The following SH3RF3 variants were observed in gnomAD, a reference collection of about 807,000 sequenced individuals.
SH3RF3 encodes E3 ubiquitin-protein ligase SH3RF3.
SH3RF3 carries 29 observed loss-of-function variants against 66.3 expected under a neutral mutation model. That is an observed-to-expected ratio of 0.44 (90% CI 0.33 to 0.60). The LOEUF (loss-of-function observed/expected upper bound fraction) is 0.60. SH3RF3 is among the 20% of genes least tolerant of loss of function. The pLI is 0.04. For missense variants in SH3RF3, 1,194 were observed against 1,190.9 expected, an observed-to-expected ratio of 1.00 and a Z score of -0.04; for synonymous variants, 583 against 532.0, an observed-to-expected ratio of 1.10 and a Z score of -1.32.
intron 1 of SH3RF3, among the ~76,000 whole-genome samples, chr2:109,301,988 G>A (rs1681480030): frequency 6.6e-6 from 1 of 152,196 alleles, no homozygotes; most frequent in African/African-American, 2.4e-5. Flanking sequence ...GCTGATTTCA[G>A]CATCTTCGTT....
intron 2 of SH3RF3, among the ~76,000 whole-genome samples, chr2:109,349,216 G>A (rs1682788027): frequency 6.6e-6 from 1 of 152,170 alleles, no homozygotes. Flanking sequence ...CAGTGTTTTT[G>A]AGCAAAATTG....
rs112035563 is a variant in SH3RF3, at chr2:109,454,529, C to T, written c.2148+5040C>T. On this transcript the variant is annotated intron_variant, in intron 8 of 9. Coordinates refer to ENST00000309415, the MANE Select transcript of SH3RF3 (RefSeq NM_001099289.3). ...GTCCACACGGTGAGAGCGCTCCCGC[C>T]GGCTGCCTGACTTCTGTGGAGCCCT... Among the ~76,000 whole-genome samples the T allele has an allele frequency of 1.8e-4, 27 of 152,314 alleles. 1 individual carries two copies. The highest frequency in any genetic ancestry group is 5.5e-4 in the African/African-American group (23 of 41,556).
chr2:109,477,061 A>G (rs112203915), intron 8 of SH3RF3, among the ~76,000 whole-genome samples: 2,469 of 152,206 alleles, frequency 0.016, 68 homozygotes, highest in African/African-American at 0.057. Flanking sequence ...AGAATGCCTT[A>G]ACTGTCTGGG....
At chr2:109,455,817 C>A (rs910089718) in intron 8 of SH3RF3, among the ~76,000 whole-genome samples, 1 of 152,230 alleles carries the variant, frequency 6.6e-6, no homozygotes, top group African/African-American at 2.4e-5. Context: ...GTGCCATTCA[C>A]TTCCGAAGTG....
chr2:109,170,279 CTTCTCTTCTCTTCTCT>C (rs1677739850), intron 1 of SH3RF3, among the ~76,000 whole-genome samples: 1 of 124,886 alleles, frequency 8.0e-6, no homozygotes, highest in Non-Finnish European at 1.7e-5. Flanking sequence ...CTTCTCTTCT[CTTCTCTTCTCTTCTCT>C]TCTCTTCTCT....
At chr2:109,399,247 G>A (rs1194907044) in intron 4 of SH3RF3, among the ~76,000 whole-genome samples, 1 of 152,100 alleles carries the variant, frequency 6.6e-6, no homozygotes, top group East Asian at 1.9e-4. Context: ...CGTGTCAGTC[G>A]GCTTCCAGAT....
rs923750802 is a variant in SH3RF3 at position 109,398,487 on chromosome 2, A to G, written c.946-103A>G. The stretch of plus-strand genomic sequence containing the variant: ...CCTGCAGTCTGACGGATTTGAATGC[A>G]TTGCCAGTTTGTGAATGGAAATGTG... On this transcript the variant is annotated intron_variant, in intron 3 of 9. Transcript: ENST00000309415. 8.6e-6 allele frequency: 9 copies of G among 1,042,564 alleles called. No homozygotes were observed. The African/African-American group carries it at 1.1e-4, about 13-fold the overall frequency. The allele number at this position is 1,042,564 out of a possible 1,614,324, so 64.6% of individuals were successfully genotyped here. A position where few individuals can be genotyped will look rare whatever the true frequency, so the allele number is the denominator to read the frequency against.
intron 9 of SH3RF3, among the ~76,000 whole-genome samples, chr2:109,497,608 G>A (rs546711608): frequency 2.6e-5 from 4 of 152,244 alleles, no homozygotes; most frequent in East Asian, 1.9e-4. Flanking sequence ...CTGCTGACAC[G>A]GACACGACAA....
intron 4 of SH3RF3, among the ~76,000 whole-genome samples, chr2:109,408,600 C>T (rs939235764): frequency 2.0e-5 from 3 of 152,338 alleles, no homozygotes; most frequent in South Asian, 2.1e-4. Flanking sequence ...AGCTTCGCTG[C>T]GGCAAGAGAG....
chr2:109,394,071 G>A (rs972798449), intron 3 of SH3RF3, among the ~76,000 whole-genome samples: 8 of 152,232 alleles, frequency 5.3e-5, no homozygotes, highest in Middle Eastern at 3.4e-3. Flanking sequence ...ACCCTCGGAC[G>A]CAGCCACAAG....
In SH3RF3 at chr2:109,449,346, ACAT is replaced by A; in HGVS notation, c.2008_2010del (p.Ser670del). ...GTGCCCACGGCCGGCCATCCCCCTCACATCAGCAGCATCAGCCATCACACCTCC... is the reference window on the plus strand; with the variant it reads ...GTGCCCACGGCCGGCCATCCCCCTCACAGCAGCATCAGCCATCACACCTCC... On this transcript the variant is annotated inframe_deletion, in exon 8 of 10. Transcript: ENST00000309415. The A allele has an allele frequency of 6.2e-7, 1 of 1,606,570 alleles. No homozygotes were observed. The highest frequency in any genetic ancestry group is 8.5e-7 in the Non-Finnish European group (1 of 1,175,862).
intron 1 of SH3RF3, among the ~76,000 whole-genome samples, chr2:109,275,749 C>T (rs1180284774): frequency 6.6e-6 from 1 of 152,182 alleles, no homozygotes; most frequent in Non-Finnish European, 1.5e-5. Flanking sequence ...TCCCGGACAG[C>T]CGCACCTGCT....
At chr2:109,271,181 T>C (rs1680615315) in intron 1 of SH3RF3, among the ~76,000 whole-genome samples, 1 of 152,108 alleles carries the variant, frequency 6.6e-6, no homozygotes, top group Non-Finnish European at 1.5e-5. Flanking sequence ...GAGTATTTGC[T>C]AATGAGCAAA....
intron 1 of SH3RF3, among the ~76,000 whole-genome samples, chr2:109,314,569 C>T (rs1681825675): frequency 6.6e-6 from 1 of 152,216 alleles, no homozygotes; most frequent in African/African-American, 2.4e-5. Flanking sequence ...ATTATTCCTG[C>T]CACTTCATAA....
intron 1 of SH3RF3, among the ~76,000 whole-genome samples, chr2:109,201,745 A>G (rs541053051): frequency 3.9e-5 from 6 of 152,314 alleles, no homozygotes; most frequent in Non-Finnish European, 8.8e-5. Flanking sequence ...GGGCACAGCC[A>G]AGCGGTGAAA....
In SH3RF3 at chr2:109,173,963, T is replaced by G. The variant is rs528237619; in HGVS notation, c.573+43850T>G. On this transcript the variant is annotated intron_variant, in intron 1 of 9. Transcript: ENST00000309415. ...TAAAGCAGATGTCGGGTTCAGGCTG[T>G]GGGCACTGAGTCCTGAGACTGGCAT... 1.6e-3 allele frequency among the ~76,000 whole-genome samples: 251 copies of G among 152,380 alleles called. 2 individuals are homozygous for G. Among genetic ancestry groups the G allele is most frequent in the African/African-American group, 5.7e-3 (239 of 41,590 alleles).
At chr2:109,445,682 T>C (rs1291355451) in intron 7 of SH3RF3, among the ~76,000 whole-genome samples, 3 of 151,496 alleles carry the variant, frequency 2.0e-5, no homozygotes, top group Non-Finnish European at 4.4e-5. Context: ...GTATCAAGGA[T>C]GTGGGTGAAG....
chr2:109,503,722 A>G lies in SH3RF3; in HGVS notation c.*2051A>G, dbSNP rs1679455341. 6.6e-6 allele frequency: 1 copy of G among 152,198 alleles called. No individual in the cohort carries two copies. The highest frequency in any genetic ancestry group is 1.5e-5 in the Non-Finnish European group (1 of 68,048). 9.4% of individuals were successfully genotyped at this position (152,198 alleles called of 1,614,324 possible). A position where few individuals can be genotyped will look rare whatever the true frequency, so the allele number is the denominator to read the frequency against. On this transcript the variant is annotated 3_prime_UTR_variant, in exon 10 of 10. Transcript: ENST00000309415. ...CCAGACCAAGTCAAGTCTCCAGGTA[A>G]CTTTTTTGAAGTCTTTTTTTTAAGG...
intron 8 of SH3RF3, among the ~76,000 whole-genome samples, chr2:109,470,968 C>T (rs1678487222): frequency 6.6e-6 from 1 of 151,984 alleles, no homozygotes; most frequent in South Asian, 2.1e-4. Context: ...GCCTGTAATC[C>T]CAGCACTTTG....
Sources: gnomAD v4.1 joint callset for allele counts (sites outside exome capture counted in the v4.1 genomes callset) on GRCh38, gnomAD v4.1.1 for gene constraint, MANE v1.5 for transcripts, NCBI Gene and HGNC (gene_info 2026-07-23, HGNC 2026-07-21) for gene names.